Variants in BDKRB2 observed in about 807,000 individuals in gnomAD.
The protein encoded by BDKRB2 is B2 bradykinin receptor.
A neutral mutation model predicts 4.0 loss-of-function variants in BDKRB2; 6 were observed. The ratio of observed to expected loss-of-function variants is 1.49; its 90% CI spans 0.81 to 2.93. The LOEUF is 2.93. Ranked by LOEUF, BDKRB2 falls within the 30% of genes most tolerant of loss-of-function variation. The probability of loss-of-function intolerance (pLI) is 0.00; values close to 1 mark genes in which losing one functional copy is unlikely to be tolerated. For synonymous variants in BDKRB2, 225 were observed against 215.3 expected (o/e 1.05, Z -0.40); for missense variants, 478 against 520.1 (o/e 0.92, Z 0.79).
intron 1 of BDKRB2, chr14:96,222,958 C>T: frequency 1.8e-6 from 1 of 566,416 alleles, no homozygotes; most frequent in Non-Finnish European, 3.2e-6. Context: ...TATTGGACAT[C>T]ACCGACCGCT....
chr14:96,230,286 C>G (rs1890788600), intron 1 of BDKRB2, among the ~76,000 whole-genome samples: 1 of 152,208 alleles, frequency 6.6e-6, no homozygotes, highest in Non-Finnish European at 1.5e-5. Flanking sequence ...CATGTAAAAC[C>G]ACGGTGACAG....
chr14:96,244,005 C>A lies in BDKRB2; in HGVS notation c.*2501C>A. On this transcript the variant is annotated 3_prime_UTR_variant, in exon 3 of 3. Transcript: ENST00000554311. ...AACTGAGTCTGCGGGAGAAGAGCGGCCCTATGCATGGTGTAGATGCCCTGA... is the reference window on the plus strand; with the variant it reads ...AACTGAGTCTGCGGGAGAAGAGCGGACCTATGCATGGTGTAGATGCCCTGA... The A allele has an allele frequency of 2.5e-6, 1 of 393,288 alleles. No individual in the cohort carries two copies. 24.4% of individuals were successfully genotyped at this position (393,288 alleles called of 1,614,324 possible).
chr14:96,235,358 A>G (rs1890907592), intron 1 of BDKRB2, among the ~76,000 whole-genome samples: 2 of 151,408 alleles, frequency 1.3e-5, no homozygotes, highest in South Asian at 2.1e-4. Context: ...AAAAAAAAAA[A>G]AAAAAAAAAA....
At chr14:96,238,550 C>G in intron 2 of BDKRB2, 1 of 985,768 alleles carries the variant, frequency 1.0e-6, no homozygotes, top group African/African-American at 1.7e-5. Context: ...AGCCTCACTT[C>G]CTTAGCACCC....
intron 1 of BDKRB2, among the ~76,000 whole-genome samples, chr14:96,232,515 A>G (rs1171496247): frequency 6.6e-6 from 1 of 152,244 alleles, no homozygotes; most frequent in Non-Finnish European, 1.5e-5. Context: ...TTACTTTTGA[A>G]CTGCAACTTC....
At chr14:96,208,833 C>G (rs1193885338) in intron 1 of BDKRB2, among the ~76,000 whole-genome samples, 1 of 152,204 alleles carries the variant, frequency 6.6e-6, no homozygotes, top group Non-Finnish European at 1.5e-5. Flanking sequence ...ACTGCCAACC[C>G]CTCTGAGCCT....
intron 1 of BDKRB2, among the ~76,000 whole-genome samples, chr14:96,228,595 T>A (rs1029901850): frequency 3.3e-5 from 5 of 152,134 alleles, no homozygotes; most frequent in Non-Finnish European, 7.4e-5. Context: ...GCTGCTCTGC[T>A]CCTCTGCCAG....
In BDKRB2 at chr14:96,240,824, G is replaced by A; in HGVS notation, c.496G>A (p.Gly166Ser). 6.4e-7 allele frequency: 1 copy of A among 1,556,416 alleles called. No individual in the cohort carries two copies. Among genetic ancestry groups the A allele is most frequent in the Non-Finnish European group, 8.7e-7 (1 of 1,153,042 alleles). ...GGCCCTGGTGAAAACCATGTCCATG[G>A]GCCGGATGCGCGGCGTGCGCTGGGC... ...YLALVKTMSM[G>S]RMRGVRWAKL... Residue 166 changes from glycine to serine, a missense_variant, in exon 3 of 3, where the codon GGC (glycine) becomes AGC (serine). Coordinates refer to ENST00000554311, the MANE Select transcript of BDKRB2 (RefSeq NM_001379692.1).
At chr14:96,211,780 G>C (rs987857061) in intron 1 of BDKRB2, among the ~76,000 whole-genome samples, 50 of 152,284 alleles carry the variant, frequency 3.3e-4, no homozygotes, top group African/African-American at 1.2e-3. Context: ...GGATCCTTCG[G>C]TTCCTTCAGC....
At chr14:96,224,220 G>A (rs913779543) in intron 1 of BDKRB2, among the ~76,000 whole-genome samples, 4 of 152,100 alleles carry the variant, frequency 2.6e-5, no homozygotes, top group African/African-American at 9.7e-5. Context: ...TGAAGTATGT[G>A]GAGTTTCATT....
At chr14:96,211,160 C>T (rs1364173909) in intron 1 of BDKRB2, 1 of 152,278 alleles carries the variant, frequency 6.6e-6, no homozygotes, top group Non-Finnish European at 1.5e-5. Context: ...GCCATCCCTA[C>T]CAAACAGGAA....
chr14:96,231,436 T>C (rs1225943575), intron 1 of BDKRB2, among the ~76,000 whole-genome samples: 1 of 152,184 alleles, frequency 6.6e-6, no homozygotes, highest in East Asian at 1.9e-4. Context: ...GAAACCCTGC[T>C]GAGGGCCACG....
chr14:96,235,390 A>G (rs1008788313), intron 1 of BDKRB2, among the ~76,000 whole-genome samples: 14 of 150,442 alleles, frequency 9.3e-5, no homozygotes, highest in African/African-American at 1.5e-4. Flanking sequence ...CTTCAAACAC[A>G]TGATCTCTCA....
rs896902229 is a variant in BDKRB2, at chr14:96,242,449, C to T, written c.*945C>T. 4 of 152,244 alleles carry T rather than the reference C, an allele frequency of 2.6e-5. No individual in the cohort carries two copies. The highest frequency in any genetic ancestry group is 9.6e-5 in the African/African-American group (4 of 41,458). The allele number at this position is 152,244 out of a possible 1,614,324, so 9.4% of individuals were successfully genotyped here. Reference sequence around the variant, plus strand: ...GCTACGTACATGTGAGGCATCATTACGCAGACGTAACTGGGATATGTTTAC... The same window carrying T: ...GCTACGTACATGTGAGGCATCATTATGCAGACGTAACTGGGATATGTTTAC... On this transcript the variant is annotated 3_prime_UTR_variant, in exon 3 of 3. Coordinates refer to ENST00000554311, the MANE Select transcript of BDKRB2 (RefSeq NM_001379692.1).
intron 1 of BDKRB2, among the ~76,000 whole-genome samples, chr14:96,219,368 C>T (rs1890501736): frequency 6.6e-6 from 1 of 151,906 alleles, no homozygotes; most frequent in African/African-American, 2.4e-5. Context: ...ATAAATATCT[C>T]CGGTGTTTCC....
At chr14:96,235,780 T>A (rs1056163325) in intron 1 of BDKRB2, among the ~76,000 whole-genome samples, 2 of 151,604 alleles carry the variant, frequency 1.3e-5, no homozygotes, top group Non-Finnish European at 2.9e-5. Flanking sequence ...CGTGGCTACA[T>A]TCATGCACAC....
At chr14:96,220,717 GC>G (rs1890540058) in intron 1 of BDKRB2, among the ~76,000 whole-genome samples, 1 of 150,042 alleles carries the variant, frequency 6.7e-6, no homozygotes, top group South Asian at 2.1e-4. Context: ...TGGTGCCTCA[GC>G]CCCCTCGCTT....
rs377682832 is a variant in BDKRB2, at chr14:96,227,634, TAC to T, written c.-39-9428_-39-9427del. Among the ~76,000 whole-genome samples the T allele has an allele frequency of 3.3e-3, 497 of 151,336 alleles. 3 individuals carry two copies. Among genetic ancestry groups the T allele is most frequent in the African/African-American group, 0.011 (469 of 41,228 alleles). ...GCACACACAAACACACACACATATA[TAC>T]ACACACCAACACAAACACACATGTG... On this transcript the variant is annotated intron_variant, in intron 1 of 2. Transcript: ENST00000554311.
chr14:96,206,299 C>T (rs1474612300), intron 1 of BDKRB2, among the ~76,000 whole-genome samples: 1 of 152,148 alleles, frequency 6.6e-6, no homozygotes, highest in Admixed American at 6.5e-5. Flanking sequence ...GGCAGCACCC[C>T]AGGCCTCATC....
Sources: gnomAD v4.1 joint callset for allele counts (sites outside exome capture counted in the v4.1 genomes callset) on GRCh38, gnomAD v4.1.1 for gene constraint, MANE v1.5 for transcripts, NCBI Gene and HGNC (gene_info 2026-07-23, HGNC 2026-07-21) for gene names.